Variants in WIPF1 observed in about 807,000 individuals in gnomAD.
WIPF1 encodes WAS/WASL interacting protein family member 1.
A neutral mutation model predicts 35.4 loss-of-function variants in WIPF1; 13 were observed. That is an observed-to-expected ratio of 0.37 (90% CI 0.24 to 0.58). WIPF1 has a LOEUF of 0.58. Among genes scored for constraint, WIPF1 ranks in the 20% least tolerant of loss-of-function variants. The probability of loss-of-function intolerance (pLI) is 0.74; values close to 1 mark genes in which losing one functional copy is unlikely to be tolerated. For missense variants in WIPF1, 591 were observed against 667.0 expected (o/e 0.89, Z 1.25); for synonymous variants, 267 against 266.3 (o/e 1.00, Z -0.02).
chr2:174,606,305 C>A (rs1271231207), intron 1 of WIPF1, among the ~76,000 whole-genome samples: 1 of 152,000 alleles, frequency 6.6e-6, no homozygotes, highest in East Asian at 1.9e-4. Flanking sequence ...AAAATAGTAT[C>A]AAAAAAACCA....
intron 1 of WIPF1, among the ~76,000 whole-genome samples, chr2:174,632,853 CAACT>C (rs1202456878): frequency 6.6e-6 from 1 of 151,976 alleles, no homozygotes; most frequent in Non-Finnish European, 1.5e-5. Flanking sequence ...GCTGTATAGC[CAACT>C]AACAAAGCAA....
rs1688041514 is a variant in WIPF1 at position 174,672,546 on chromosome 2, T to TAAA, written c.-39+10227_-39+10228insTTT. On this transcript the variant is annotated intron_variant, in intron 1 of 8. Coordinates refer to the WIPF1 transcript ENST00000272746. The stretch of plus-strand genomic sequence containing the variant: ...CACTATTTTAGCTAAATGAGAAATG[T>TAAA]GATGGATATATACATCTTTCCCTTA... 2.6e-5 allele frequency among the ~76,000 whole-genome samples: 4 copies of TAAA among 152,266 alleles called. No individual in the cohort carries two copies. In the South Asian group the frequency reaches 8.3e-4, roughly 31 times the overall value.
At chr2:174,618,963 C>T (rs867851307) in intron 1 of WIPF1, among the ~76,000 whole-genome samples, 3 of 152,088 alleles carry the variant, frequency 2.0e-5, no homozygotes, top group Admixed American at 6.6e-5. Context: ...CACACACACA[C>T]GCACACAGAG....
intron 4 of WIPF1, among the ~76,000 whole-genome samples, 178 bp from the exon 5 acceptor site, chr2:174,572,624 T>C (rs2288624): frequency 6.6e-6 from 1 of 152,204 alleles, no homozygotes; most frequent in African/African-American, 2.4e-5. Context: ...AAATCGACCA[T>C]AGCTCTATTT....
intron 3 of WIPF1, among the ~76,000 whole-genome samples, chr2:174,580,952 T>A (rs942805556): frequency 9.9e-5 from 15 of 152,238 alleles, no homozygotes; most frequent in Non-Finnish European, 1.5e-4. Flanking sequence ...ATGTGCCAGG[T>A]CTTGAACCCA....
intron 1 of WIPF1, among the ~76,000 whole-genome samples, chr2:174,614,284 G>A (rs1686441175): frequency 6.6e-6 from 1 of 152,176 alleles, no homozygotes; most frequent in Admixed American, 6.5e-5. Flanking sequence ...CTCCACTGCA[G>A]AGAACAGGAC....
At chr2:174,640,613 T>G (rs892746421) in intron 1 of WIPF1, among the ~76,000 whole-genome samples, 10 of 151,934 alleles carry the variant, frequency 6.6e-5, no homozygotes, top group South Asian at 4.1e-4. Flanking sequence ...ATGTATGTAT[T>G]TATTTATTAT....
At chr2:174,575,628 T>C (rs1685034378) in intron 3 of WIPF1, among the ~76,000 whole-genome samples, 1 of 152,242 alleles carries the variant, frequency 6.6e-6, no homozygotes, top group Non-Finnish European at 1.5e-5. Context: ...CCCACTTGAC[T>C]GGCTGCCACA....
chr2:174,601,751 C>T (rs866884253), upstream of WIPF1, among the ~76,000 whole-genome samples: 54 of 152,374 alleles, frequency 3.5e-4, no homozygotes, highest in Admixed American at 1.0e-3. Context: ...CTGCAGGAGA[C>T]TTGCAGAGAT....
chr2:174,614,988 C>T (rs1686463731), intron 1 of WIPF1, among the ~76,000 whole-genome samples: 1 of 152,156 alleles, frequency 6.6e-6, no homozygotes, highest in Non-Finnish European at 1.5e-5. Flanking sequence ...GCATAAGTAA[C>T]ATGGAGAAGT....
chr2:174,585,600 T>C lies in WIPF1; in HGVS notation c.-27A>G. The C allele has an allele frequency of 6.2e-7, 1 of 1,610,460 alleles. No homozygotes were observed. The highest frequency in any genetic ancestry group is 8.5e-7 in the Non-Finnish European group (1 of 1,177,700). On this transcript the variant is annotated 5_prime_UTR_variant, in exon 2 of 8. Coordinates refer to ENST00000679041, the MANE Select transcript of WIPF1 (RefSeq NM_001375834.1). The stretch of plus-strand genomic sequence containing the variant: ...TTGGGCAGTTATGCGTTCAACAGTC[T>C]TGCTGATAAATCTGGAAAAACAAGA...
chr2:174,653,978 C>G (rs1687592872), intron 1 of WIPF1, among the ~76,000 whole-genome samples: 1 of 152,146 alleles, frequency 6.6e-6, no homozygotes, highest in Non-Finnish European at 1.5e-5. Flanking sequence ...AACAACCTCT[C>G]CTGGTAGACC....
chr2:174,631,973 T>A (rs1038626416), intron 1 of WIPF1, among the ~76,000 whole-genome samples: 2 of 152,148 alleles, frequency 1.3e-5, no homozygotes, highest in Non-Finnish European at 2.9e-5. Flanking sequence ...GAAGAGAGAT[T>A]TGTGAAGTTA....
chr2:174,656,630 A>G lies in WIPF1; in HGVS notation c.-39+26144T>C, dbSNP rs374500261. 3.7e-3 allele frequency among the ~76,000 whole-genome samples: 568 copies of G among 152,344 alleles called. 2 individuals are homozygous for G. Among genetic ancestry groups the G allele is most frequent in the Non-Finnish European group, 6.6e-3 (450 of 68,024 alleles). The stretch of plus-strand genomic sequence containing the variant: ...GACATTAAAGTTAAGAAGTCCAACC[A>G]AGGAGGGGATGTGAACACTAACACA... On this transcript the variant is annotated intron_variant, in intron 1 of 8. Transcript: ENST00000272746.
chr2:174,636,719 G>A (rs886698718), intron 1 of WIPF1, among the ~76,000 whole-genome samples: 9 of 152,154 alleles, frequency 5.9e-5, no homozygotes, highest in Admixed American at 3.9e-4. Flanking sequence ...GAGAAATACT[G>A]GTCTGGTATT....
chr2:174,642,038 C>A (rs1451316367), intron 1 of WIPF1, among the ~76,000 whole-genome samples: 2 of 152,136 alleles, frequency 1.3e-5, no homozygotes, highest in Non-Finnish European at 2.9e-5. Context: ...ACCATACCAA[C>A]CATACCAGAT....
At chr2:174,580,332 G>A (rs780045236) in intron 3 of WIPF1, among the ~76,000 whole-genome samples, 5 of 152,154 alleles carry the variant, frequency 3.3e-5, no homozygotes, top group Non-Finnish European at 5.9e-5. Context: ...CCTTATCTAG[G>A]TCTTTCACTT....
chr2:174,600,499 T>G (rs1685967485), upstream of WIPF1, among the ~76,000 whole-genome samples: 1 of 152,200 alleles, frequency 6.6e-6, no homozygotes, highest in African/African-American at 2.4e-5. Flanking sequence ...ACCTTCCAAA[T>G]CTTTCTGTTC....
intron 1 of WIPF1, among the ~76,000 whole-genome samples, chr2:174,636,343 T>C (rs1687182306): frequency 6.6e-6 from 1 of 152,226 alleles, no homozygotes; most frequent in Admixed American, 6.5e-5. Flanking sequence ...GTCCATGATT[T>C]TTTTTTTCTG....
Sources: allele counts gnomAD v4.1 joint callset (sites outside exome capture counted in the v4.1 genomes callset), GRCh38; gene constraint gnomAD v4.1.1; transcripts MANE v1.5; gene names NCBI Gene and HGNC (gene_info 2026-07-23, HGNC 2026-07-21).